Variants in NPEPPS observed in about 807,000 individuals in gnomAD.
The protein encoded by NPEPPS is aminopeptidase puromycin sensitive.
In NPEPPS, 14 loss-of-function variants were observed where a neutral mutation model predicts 115.5. That is an observed-to-expected ratio of 0.12 (90% CI 0.08 to 0.19). The LOEUF is 0.19. Ranked by LOEUF, NPEPPS falls within the 10% of genes least tolerant of loss-of-function variation. The pLI is 1.00. For missense variants in NPEPPS, 523 were observed against 1,110.8 expected, an observed-to-expected ratio of 0.47 and a Z score of 7.52; for synonymous variants, 285 against 390.6, an observed-to-expected ratio of 0.73 and a Z score of 3.19.
chr17:47,530,509 A>C (rs930986475), upstream of NPEPPS, among the ~76,000 whole-genome samples: 2 of 150,482 alleles, frequency 1.3e-5, no homozygotes, highest in Non-Finnish European at 3.0e-5. Flanking sequence ...GGCGCCCGCC[A>C]CCACGCCCGG....
intron 19 of NPEPPS, among the ~76,000 whole-genome samples, chr17:47,614,820 CA>C (rs1914088230): frequency 1.3e-5 from 2 of 152,152 alleles, no homozygotes. Flanking sequence ...ACGCTTAGGA[CA>C]GGAGTGGAAT....
intron 2 of NPEPPS, among the ~76,000 whole-genome samples, chr17:47,563,806 G>A (rs536562677): frequency 1.3e-5 from 2 of 152,074 alleles, no homozygotes; most frequent in African/African-American, 2.4e-5. Context: ...TCTTGACCTC[G>A]TGATCCGCCC....
chr17:47,556,978 T>G (rs1470858702), intron 2 of NPEPPS, among the ~76,000 whole-genome samples: 3 of 152,114 alleles, frequency 2.0e-5, no homozygotes, highest in Admixed American at 2.0e-4. Flanking sequence ...TCTTTTTCAG[T>G]TTTCTTGCTT....
chr17:47,545,541 A>G lies in NPEPPS; in HGVS notation c.256-368A>G, dbSNP rs531785632. ...CTGTGATATTAGTTCAAGTCTTACG[A>G]ACATCATTATTATTATTATTTGAGA... On this transcript the variant is annotated intron_variant, in intron 1 of 22. Coordinates refer to ENST00000322157, the MANE Select transcript of NPEPPS (RefSeq NM_006310.4). Among the ~76,000 whole-genome samples, 11 of 152,086 alleles carry G rather than the reference A, an allele frequency of 7.2e-5. No homozygotes were observed. The East Asian group carries it at 2.1e-3, about 29-fold the overall frequency.
At chr17:47,590,294 C>T (rs2143868077) in intron 9 of NPEPPS, among the ~76,000 whole-genome samples, 1 of 152,224 alleles carries the variant, frequency 6.6e-6, no homozygotes, top group East Asian at 1.9e-4. Flanking sequence ...GAGGCCGAGG[C>T]AGGTGGATCA....
chr17:47,557,527 AAAC>A (rs1262397585), intron 2 of NPEPPS: 1 of 149,432 alleles, frequency 6.7e-6, no homozygotes, highest in Non-Finnish European at 1.5e-5. Context: ...AAAAAACAAA[AAAC>A]AAACAGAAGT....
intron 15 of NPEPPS, among the ~76,000 whole-genome samples, chr17:47,602,739 C>T (rs1276547995): frequency 2.6e-5 from 4 of 151,040 alleles, no homozygotes; most frequent in Non-Finnish European, 5.9e-5. Flanking sequence ...CTCCTAGGCT[C>T]ATGTGATCCT....
intron 17 of NPEPPS, among the ~76,000 whole-genome samples, chr17:47,611,689 T>C (rs958718875): frequency 5.3e-5 from 8 of 151,892 alleles, no homozygotes; most frequent in Admixed American, 2.0e-4. Flanking sequence ...CTCAGGTTGG[T>C]CTTGAACTCC....
At chr17:47,602,993 T>C (rs1252264405) in intron 15 of NPEPPS, among the ~76,000 whole-genome samples, 2 of 152,140 alleles carry the variant, frequency 1.3e-5, no homozygotes, top group Admixed American at 6.6e-5. Context: ...GCGTTAAAAT[T>C]GTAGGGGTGG....
chr17:47,525,889 G>T (rs1406863751), intron 1 of NPEPPS, among the ~76,000 whole-genome samples: 2 of 152,136 alleles, frequency 1.3e-5, no homozygotes, highest in East Asian at 3.9e-4. Context: ...AGTACATCTT[G>T]CAAAGATACA....
chr17:47,547,845 C>T (rs556325748), intron 2 of NPEPPS, among the ~76,000 whole-genome samples: 3 of 151,990 alleles, frequency 2.0e-5, no homozygotes, highest in Non-Finnish European at 4.4e-5. Context: ...GCTAACTCGG[C>T]GAAACCCCGT....
At chr17:47,602,451 G>A (rs2143918987) in intron 15 of NPEPPS, among the ~76,000 whole-genome samples, 2 of 151,974 alleles carry the variant, frequency 1.3e-5, no homozygotes, top group Middle Eastern at 3.4e-3. Context: ...TGACCAACAT[G>A]GTGAAACCCT....
intron 3 of NPEPPS, among the ~76,000 whole-genome samples, chr17:47,578,603 TACA>T (rs1243193619): frequency 1.3e-5 from 2 of 152,206 alleles, no homozygotes; most frequent in Non-Finnish European, 2.9e-5. Flanking sequence ...TTTGCTCTTA[TACA>T]ACAATAGAAT....
At chr17:47,524,755 C>T (rs1262888607) in intron 1 of NPEPPS, among the ~76,000 whole-genome samples, 9 of 151,068 alleles carry the variant, frequency 6.0e-5, no homozygotes, top group South Asian at 2.1e-4. Flanking sequence ...CCGTCTGCCT[C>T]GGCCTCCCAA....
chr17:47,548,829 C>T (rs891685787), intron 2 of NPEPPS, among the ~76,000 whole-genome samples: 30 of 151,872 alleles, frequency 2.0e-4, no homozygotes, highest in Non-Finnish European at 2.6e-4. Flanking sequence ...CCCGCCTCAG[C>T]CTCCCAAAGT....
At chr17:47,584,437 T>G (rs1380387055) in intron 5 of NPEPPS, among the ~76,000 whole-genome samples, 1 of 152,186 alleles carries the variant, frequency 6.6e-6, no homozygotes, top group Non-Finnish European at 1.5e-5. Flanking sequence ...TAGGACTGTC[T>G]TGTGTGGGGA....
intron 17 of NPEPPS, among the ~76,000 whole-genome samples, chr17:47,609,526 C>A (rs1404378418): frequency 2.0e-5 from 3 of 152,210 alleles, no homozygotes; most frequent in Non-Finnish European, 4.4e-5. Flanking sequence ...TTGTAAGAAT[C>A]ATCACAACAA....
intron 1 of NPEPPS, among the ~76,000 whole-genome samples, chr17:47,525,023 T>G (rs1907379455): frequency 6.6e-6 from 1 of 151,898 alleles, no homozygotes; most frequent in Admixed American, 6.6e-5. Flanking sequence ...CTAAGGATCT[T>G]GGGACATTAC....
intron 3 of NPEPPS, among the ~76,000 whole-genome samples, chr17:47,576,741 T>G (rs1328608004): frequency 6.6e-6 from 1 of 152,134 alleles, no homozygotes; most frequent in Non-Finnish European, 1.5e-5. Context: ...TTCAAAAGGT[T>G]TACAACCCCA....
Sources: allele counts gnomAD v4.1 joint callset (sites outside exome capture counted in the v4.1 genomes callset), GRCh38; gene constraint gnomAD v4.1.1; transcripts MANE v1.5; gene names NCBI Gene and HGNC (gene_info 2026-07-23, HGNC 2026-07-21).